The following VLDLR variants were observed in gnomAD, a reference collection of about 807,000 sequenced individuals.
VLDLR encodes the protein very low density lipoprotein receptor.
Under a neutral mutation model 112.7 loss-of-function variants are expected in VLDLR, and 81 were observed. The ratio of observed to expected loss-of-function variants is 0.72; its 90% CI spans 0.60 to 0.86. The LOEUF (loss-of-function observed/expected upper bound fraction) is 0.86, where lower values mean the gene tolerates loss of function less well. Among genes scored for constraint, VLDLR ranks in the 40% least tolerant of loss-of-function variants. VLDLR has a pLI of 0.00. For synonymous variants in VLDLR, 436 were observed against 384.8 expected (o/e 1.13, Z -1.56); for missense variants, 1,237 against 1,099.4 (o/e 1.13, Z -1.77).
chr9:2,647,870 A>G, intron 12 of VLDLR: 1 of 576,442 alleles, frequency 1.7e-6, no homozygotes. Context: ...TATTCTGGGC[A>G]TGAGTGCCTT....
chr9:2,645,555 C>G lies in VLDLR; in HGVS notation c.1313-19C>G. On this transcript the variant is annotated intron_variant, in intron 9 of 18. Transcript: ENST00000382100. ...CCTTCTTAAAGCAAAACTAAGTAACCCAGACTTCCATCTTGCAGGCAAAGA... is the reference window on the plus strand; with the variant it reads ...CCTTCTTAAAGCAAAACTAAGTAACGCAGACTTCCATCTTGCAGGCAAAGA... 6.2e-7 allele frequency: 1 copy of G among 1,614,136 alleles called. No homozygotes were observed. The highest frequency in any genetic ancestry group is 1.1e-5 in the South Asian group (1 of 91,072).
Position 2,622,053 on chromosome 9 carries a change from G to A in VLDLR, c.-137G>A, listed in dbSNP as rs1329571757. 2 of 731,394 alleles carry A rather than the reference G, an allele frequency of 2.7e-6. No homozygotes were observed. Among genetic ancestry groups the A allele is most frequent in the East Asian group, 3.5e-5 (1 of 28,210 alleles). The allele number at this position is 731,394 out of a possible 1,614,324, so 45.3% of individuals were successfully genotyped here. A position where few individuals can be genotyped will look rare whatever the true frequency, so the allele number is the denominator to read the frequency against. On this transcript the variant is annotated 5_prime_UTR_variant, in exon 1 of 19. Transcript: ENST00000382100. ...CTCTTCTTCCCCGCTCCCTTCCCCC[G>A]CCAACTCCTTCCCCTCCTTCTCCCC...
chr9:2,633,615 TA>T lies in VLDLR; in HGVS notation c.83-1828del, dbSNP rs746180855. On this transcript the variant is annotated intron_variant, in intron 1 of 18. Coordinates refer to ENST00000382100, the MANE Select transcript of VLDLR (RefSeq NM_003383.5). ...TAATAACCTTTGGTAACTAAAACCT[TA>T]AAAAAAAAATCAGAGGCTTTCAGTC... Among the ~76,000 whole-genome samples, 99 of 149,702 alleles carry T rather than the reference TA, an allele frequency of 6.6e-4. No individual in the cohort carries two copies. The East Asian group carries it at 8.6e-3, about 13-fold the overall frequency.
intron 10 of VLDLR, 35 bp from the exon 11 acceptor site, chr9:2,646,299 A>T (rs775355537): frequency 4.4e-6 from 7 of 1,608,126 alleles, no homozygotes; most frequent in Admixed American, 1.7e-5. Context: ...AATTGTGTCA[A>T]ACTCTTAAAT....
intron 1 of VLDLR, among the ~76,000 whole-genome samples, chr9:2,633,721 T>C (rs900058670): frequency 3.9e-5 from 6 of 152,218 alleles, no homozygotes; most frequent in Non-Finnish European, 7.3e-5. Context: ...AATCATTCTT[T>C]TCCTGATTAC....
intron 1 of VLDLR, among the ~76,000 whole-genome samples, chr9:2,630,274 A>T (rs1169413962): frequency 6.6e-6 from 1 of 152,184 alleles, no homozygotes; most frequent in African/African-American, 2.4e-5. Flanking sequence ...AAGGAGTTTT[A>T]GCTTACAAAT....
intron 10 of VLDLR, 87 bp from the exon 11 acceptor site, chr9:2,646,247 C>A: frequency 7.7e-7 from 1 of 1,300,210 alleles, no homozygotes; most frequent in Non-Finnish European, 1.1e-6. Context: ...TGAACAAAGT[C>A]ATTGACCATT....
chr9:2,639,786 T>C, intron 2 of VLDLR, 73 bp from the exon 3 acceptor site: 1 of 1,609,356 alleles, frequency 6.2e-7, no homozygotes, highest in Non-Finnish European at 8.5e-7. Flanking sequence ...CAAAATGCAG[T>C]ATGAGCCCTC....
At position 2,651,880 on chromosome 9, in the gene VLDLR, A is replaced by G. The variant is rs775232783; in HGVS notation, c.2342A>G (p.Asn781Ser). Residue 781 changes from asparagine to serine, a missense_variant, in exon 17 of 19, where the codon AAT (asparagine) becomes AGT (serine). Coordinates refer to ENST00000382100, the MANE Select transcript of VLDLR (RefSeq NM_003383.5). Reference protein sequence around the residue: ...ATSGLVPGGINVTTAVSEVSV... With the variant: ...ATSGLVPGGISVTTAVSEVSV... ...TCCTTTTATTCCTCTGTAGGGATCA[A>G]TGTGACCACAGCAGTATCAGAGGTC... 7 of 1,613,986 alleles carry G rather than the reference A, an allele frequency of 4.3e-6. No homozygotes were observed. Among genetic ancestry groups the G allele is most frequent in the Middle Eastern group, 1.6e-4 (1 of 6,084 alleles).
intron 5 of VLDLR, 36 bp from the exon 6 acceptor site, chr9:2,643,592 G>C (rs751709227): frequency 6.2e-7 from 1 of 1,614,188 alleles, no homozygotes; most frequent in Non-Finnish European, 8.5e-7. Flanking sequence ...GGGACAATTT[G>C]CTGGCTTCAT....
chr9:2,644,346 T>G (rs1169141506), intron 7 of VLDLR, among the ~76,000 whole-genome samples: 1 of 133,906 alleles, frequency 7.5e-6, no homozygotes, highest in African/African-American at 2.8e-5. Flanking sequence ...TTTTTTTGTA[T>G]TTTTAGTAGA....
rs776987603 is a variant in VLDLR, at chr9:2,658,305, G to A, written c.*4437G>A. ...TCTCTCTATCATGTCTCCTGAGTCC[G>A]TTTCACGTTTTTGAGCCTGGCTAAT... On this transcript the variant is annotated 3_prime_UTR_variant, in exon 19 of 19. Transcript: ENST00000382100. The A allele has an allele frequency of 1.1e-4, 17 of 152,244 alleles. No homozygotes were observed. Among genetic ancestry groups the A allele is most frequent in the African/African-American group, 2.6e-4 (11 of 41,538 alleles). The allele number at this position is 152,244 out of a possible 1,614,324, so 9.4% of individuals were successfully genotyped here. A position where few individuals can be genotyped will look rare whatever the true frequency, so the allele number is the denominator to read the frequency against.
rs1232038187 is a variant in VLDLR at position 2,659,811 on chromosome 9, T to G, written c.*5943T>G. 6.6e-6 allele frequency: 1 copy of G among 151,976 alleles called. No individual in the cohort carries two copies. The highest frequency in any genetic ancestry group is 2.4e-5 in the African/African-American group (1 of 41,392). 9.4% of individuals were successfully genotyped at this position (151,976 alleles called of 1,614,324 possible). A position where few individuals can be genotyped will look rare whatever the true frequency, so the allele number is the denominator to read the frequency against. On this transcript the variant is annotated 3_prime_UTR_variant, in exon 19 of 19. Transcript: ENST00000382100. ...AACACACATGCAAGGAGGAAGAGAG[T>G]TTTTTTGAACAAAATGACTGGCTTT...
chr9:2,640,492 A>G (rs2242104), intron 3 of VLDLR, among the ~76,000 whole-genome samples: 104,257 of 152,090 alleles, frequency 0.69, 36,403 homozygotes, highest in African/African-American at 0.78. Flanking sequence ...CTTACAGCAT[A>G]TTCTTAAATA....
At position 2,653,912 on chromosome 9, in the gene VLDLR, C is replaced by T; in HGVS notation, c.*44C>T. 6.2e-7 allele frequency: 1 copy of T among 1,607,016 alleles called. No homozygotes were observed. Among genetic ancestry groups the T allele is most frequent in the Non-Finnish European group, 8.5e-7 (1 of 1,173,736 alleles). ...ACCTTTGAGGTCTAAACAAATAATACCCCCGTCGGAATGGTAACCGAGCCA... is the reference window on the plus strand; with the variant it reads ...ACCTTTGAGGTCTAAACAAATAATATCCCCGTCGGAATGGTAACCGAGCCA... On this transcript the variant is annotated 3_prime_UTR_variant, in exon 19 of 19. Coordinates refer to ENST00000382100, the MANE Select transcript of VLDLR (RefSeq NM_003383.5).
chr9:2,653,298 A>G (rs1468908143), intron 18 of VLDLR, among the ~76,000 whole-genome samples: 1 of 152,232 alleles, frequency 6.6e-6, no homozygotes, highest in East Asian at 1.9e-4. Context: ...TATCATATAT[A>G]GGGGAGTTGG....
chr9:2,633,976 C>A (rs1817485257), intron 1 of VLDLR, among the ~76,000 whole-genome samples: 1 of 152,100 alleles, frequency 6.6e-6, no homozygotes, highest in South Asian at 2.1e-4. Flanking sequence ...TAGTATATTA[C>A]AACCAATAAA....
At chr9:2,649,202 TTTA>T (rs1254246145) in intron 14 of VLDLR, among the ~76,000 whole-genome samples, 31 of 152,130 alleles carry the variant, frequency 2.0e-4, no homozygotes, top group African/African-American at 7.5e-4. Flanking sequence ...ACAACAGAAA[TTTA>T]TTGTCTCAAA....
At chr9:2,636,196 C>A (rs1817594907) in intron 2 of VLDLR, among the ~76,000 whole-genome samples, 1 of 152,150 alleles carries the variant, frequency 6.6e-6, no homozygotes, top group Admixed American at 6.5e-5. Context: ...TCTATACAAC[C>A]TCATGTCAAG....
Sources: allele counts gnomAD v4.1 joint callset (sites outside exome capture counted in the v4.1 genomes callset), GRCh38; gene constraint gnomAD v4.1.1; transcripts MANE v1.5; gene names NCBI Gene and HGNC (gene_info 2026-07-23, HGNC 2026-07-21).